Variants in BEST1 observed in about 807,000 individuals in gnomAD.
BEST1 encodes the protein bestrophin-1.
In BEST1, 58 loss-of-function variants were observed where a neutral mutation model predicts 63.3. The ratio of observed to expected loss-of-function variants is 0.92; its 90% CI spans 0.74 to 1.14. BEST1 has a LOEUF of 1.14. BEST1 is among the 50% of genes most tolerant of loss of function. BEST1 has a pLI of 0.00. For missense variants in BEST1, 671 were observed against 740.1 expected (o/e 0.91, Z 1.08); for synonymous variants, 283 against 291.6 (o/e 0.97, Z 0.30).
At chr11:61,957,271 C>G in intron 5 of BEST1, 116 bp from the exon 6 acceptor site, 1 of 1,079,748 alleles carries the variant, frequency 9.3e-7, no homozygotes, top group Non-Finnish European at 1.4e-6. Flanking sequence ...CCCATGGCCA[C>G]ACAGCCAGGA....
intron 10 of BEST1, chr11:61,963,583 A>T (rs1942297723): frequency 9.7e-7 from 1 of 1,026,208 alleles, no homozygotes; most frequent in South Asian, 3.8e-5. Context: ...GAGGAAGTGT[A>T]ACTTCCCTTT....
rs1438317371 is a variant in BEST1, at chr11:61,955,694, TCGCCCCC to T, written c.248-17_248-11del. 3.9e-6 allele frequency: 3 copies of T among 766,918 alleles called. No homozygotes were observed. Among genetic ancestry groups the T allele is most frequent in the Non-Finnish European group, 6.3e-6 (3 of 478,976 alleles). 47.5% of individuals were successfully genotyped at this position (766,918 alleles called of 1,614,324 possible). On this transcript the variant is annotated splice_polypyrimidine_tract_variant and intron_variant, in intron 3 of 10. Coordinates refer to ENST00000378043, the MANE Select transcript of BEST1 (RefSeq NM_004183.4). ...TGGCCGCAGCCTGGCCCCTCGCCCC[TCGCCCCC>T]CGCCCCTCCTGCCCAGGCTTCTACG...
chr11:61,955,900 A>G lies in BEST1; in HGVS notation c.430A>G (p.Ser144Gly). The stretch of plus-strand genomic sequence containing the variant: ...CAACGTGCTCATCCTGCGCAGCGTC[A>G]GCACCGCAGTCTACAAGCGCTTCCC... The part of the protein sequence containing the change: ...LGNVLILRSV[S>G]TAVYKRFPSA... The change falls in exon 4 of 11, where the codon AGC (serine) becomes GGC (glycine). Residue 144 changes from serine to glycine, a missense_variant. Ser to Gly is a moderately conservative substitution (Grantham distance 56). Transcript: ENST00000378043. The G allele has an allele frequency of 6.4e-7, 1 of 1,550,482 alleles. No homozygotes were observed. The highest frequency in any genetic ancestry group is 8.7e-7 in the Non-Finnish European group (1 of 1,146,922).
rs963459720 is a variant in BEST1, at chr11:61,959,942, G to A, written c.999G>A (p.Glu333=). The A allele has an allele frequency of 3.7e-6, 6 of 1,613,326 alleles. No homozygotes were observed. The highest frequency in any genetic ancestry group is 2.2e-5 in the South Asian group (2 of 90,798). ...DEMHQDLPRM[E]PDMYWNKPEP... ...TGCACCAGGACCTGCCTCGGATGGA[G>A]CCGGACATGTACTGGAATAAGCCCG... Residue 333 remains glutamate (E), a synonymous_variant, in exon 9 of 11, where the codon GAG becomes GAA. Coordinates refer to ENST00000378043, the MANE Select transcript of BEST1 (RefSeq NM_004183.4).
chr11:61,960,072 G>C (rs746598277), intron 9 of BEST1, 29 bp downstream of exon 9: 1 of 1,600,856 alleles, frequency 6.2e-7, no homozygotes, highest in Non-Finnish European at 8.5e-7. Context: ...GGCTGGGTGG[G>C]AAGCCCCTCC....
At chr11:61,961,502 G>A (rs1942062129) in intron 9 of BEST1, 1 of 152,650 alleles carries the variant, frequency 6.6e-6, no homozygotes. Flanking sequence ...GAAGGTTGTT[G>A]AGGGGTGGGG....
intron 7 of BEST1, chr11:61,958,912 A>C: frequency 4.4e-6 from 1 of 227,916 alleles, no homozygotes; most frequent in East Asian, 1.2e-4. Context: ...ACACATACAC[A>C]CACACACACA....
intron 2 of BEST1, among the ~76,000 whole-genome samples, 199 bp downstream of exon 2, chr11:61,952,157 C>G (rs1940745988): frequency 6.6e-6 from 1 of 152,148 alleles, no homozygotes; most frequent in Non-Finnish European, 1.5e-5. Context: ...GACTGAGAGG[C>G]TGCTCAAGCC....
At chr11:61,955,983 G>C (rs777024732) in intron 4 of BEST1, 32 bp downstream of exon 4, 86 of 1,535,182 alleles carry the variant, frequency 5.6e-5, no homozygotes, top group Non-Finnish European at 7.1e-5. Flanking sequence ...GGGAGGCACC[G>C]GGCAGAGCCA....
Position 61,955,938 on chromosome 11 carries a change from C to T in BEST1, c.468C>T (p.His156=). The change falls in exon 4 of 11, where the codon CAC becomes CAT. Residue 156 remains histidine, a synonymous_variant. Transcript: ENST00000378043. The stretch of plus-strand genomic sequence containing the variant: ...ACAAGCGCTTCCCCAGCGCCCAGCA[C>T]CTGGTGCAAGCAGGTGGGCGGACCG... ...AVYKRFPSAQ[H]LVQAGFMTPA... The T allele has an allele frequency of 3.2e-6, 5 of 1,548,838 alleles. No individual in the cohort carries two copies. Among genetic ancestry groups the T allele is most frequent in the Non-Finnish European group, 4.4e-6 (5 of 1,146,132 alleles).
chr11:61,955,615 C>T (rs1941226896), intron 3 of BEST1, 103 bp from the exon 4 acceptor site: 1 of 1,323,608 alleles, frequency 7.6e-7, no homozygotes, highest in Non-Finnish European at 1.0e-6. Context: ...TAGGCCCGCT[C>T]GCAGCAGAAA....
At chr11:61,963,561 C>T (rs1942294779) in intron 10 of BEST1, 5 of 1,028,120 alleles carry the variant, frequency 4.9e-6, no homozygotes, top group Non-Finnish European at 5.8e-6. Flanking sequence ...CACTTCAGCC[C>T]CAATCACGTG....
chr11:61,962,851 C>A lies in BEST1; in HGVS notation c.1697C>A (p.Thr566Lys), dbSNP rs1324191760. 11 of 1,614,200 alleles carry A rather than the reference C, an allele frequency of 6.8e-6. No homozygotes were observed. In the Admixed American group the frequency reaches 1.8e-4, roughly 27 times the overall value. The change falls in exon 10 of 11, where the codon ACA becomes AAA. Residue 566 changes from threonine to lysine, a missense_variant. Physicochemically the swap from Thr to Lys is moderately conservative, Grantham distance 78. Transcript: ENST00000378043. ...LEQSPTNIHT[T>K]LKDHMDPYWA... ...CAATCACCAACCAACATACACACTA[C>A]ACTCAAAGATCACATGGATCCTTAT...
At position 61,958,262 on chromosome 11, in the gene BEST1, G is replaced by A. The variant is rs62639274; in HGVS notation, c.831G>A (p.Thr277=). 130 of 1,614,232 alleles carry A rather than the reference G, an allele frequency of 8.1e-5. No homozygotes were observed. In the South Asian group the frequency reaches 1.2e-3, roughly 14 times the overall value. Residue 277 remains threonine, a synonymous_variant, in exon 7 of 11, where the codon ACG becomes ACA. Transcript: ENST00000378043. ...TGGACCTCGTTGTGCCCGTCTTCAC[G>A]TTCCTGCAGTTCTTCTTCTATGTTG... The part of the protein sequence containing the change: ...HELDLVVPVF[T]FLQFFFYVGW...
At chr11:61,954,732 G>A (rs1419635193) in intron 2 of BEST1, 1 of 927,040 alleles carries the variant, frequency 1.1e-6, no homozygotes, top group Non-Finnish European at 1.3e-6. Context: ...TTACAGGCGT[G>A]AACCACCGTG....
intron 7 of BEST1, chr11:61,958,580 A>C: frequency 1.3e-6 from 1 of 756,590 alleles, no homozygotes; most frequent in Non-Finnish European, 2.2e-6. Flanking sequence ...ACAACAACAA[A>C]ACAAAGCCCT....
intron 10 of BEST1, chr11:61,963,504 C>T (rs1942289498): frequency 1.9e-6 from 2 of 1,054,968 alleles, no homozygotes; most frequent in Non-Finnish European, 2.3e-6. Context: ...CAGATATTTC[C>T]CTTTATTCCA....
intron 10 of BEST1, chr11:61,963,876 G>T: frequency 7.5e-7 from 1 of 1,338,024 alleles, no homozygotes; most frequent in Non-Finnish European, 9.8e-7. Context: ...GTCGTGGTGT[G>T]CCTGTAGTCC....
At chr11:61,953,416 A>G (rs1428436207) in intron 2 of BEST1, among the ~76,000 whole-genome samples, 1 of 152,006 alleles carries the variant, frequency 6.6e-6, no homozygotes, top group Non-Finnish European at 1.5e-5. Context: ...TGTCTCTATA[A>G]AAAATTAAAA....
Sources: gnomAD v4.1 joint callset for allele counts (sites outside exome capture counted in the v4.1 genomes callset) on GRCh38, gnomAD v4.1.1 for gene constraint, MANE v1.5 for transcripts, NCBI Gene and HGNC (gene_info 2026-07-23, HGNC 2026-07-21) for gene names.